RPH3AL: variants seen among roughly 807,000 people sequenced by gnomAD.
RPH3AL encodes the protein rab effector Noc2.
A neutral mutation model predicts 43.1 loss-of-function variants in RPH3AL; 38 were observed. That is an observed-to-expected ratio of 0.88 (90% CI 0.68 to 1.15). The LOEUF (loss-of-function observed/expected upper bound fraction) is 1.15, where lower values mean the gene tolerates loss of function less well. Ranked by LOEUF, RPH3AL falls within the 50% of genes most tolerant of loss-of-function variation. The pLI is 0.00. For missense variants in RPH3AL, 462 were observed against 423.2 expected (o/e 1.09, Z -0.81); for synonymous variants, 189 against 176.3 (o/e 1.07, Z -0.57).
chr17:230,575 A>G (rs2041208410), intron 7 of RPH3AL, among the ~76,000 whole-genome samples: 1 of 152,190 alleles, frequency 6.6e-6, no homozygotes. Flanking sequence ...GGCCAGGACC[A>G]TCCTGCTGGC....
chr17:230,462 T>G (rs1408649111), intron 7 of RPH3AL, among the ~76,000 whole-genome samples: 1 of 152,030 alleles, frequency 6.6e-6, no homozygotes, highest in Admixed American at 6.6e-5. Flanking sequence ...GAGCTGGAAT[T>G]TAAGGATGGG....
chr17:293,872 T>A (rs1398455360), intron 5 of RPH3AL, among the ~76,000 whole-genome samples: 1 of 151,624 alleles, frequency 6.6e-6, no homozygotes, highest in African/African-American at 2.4e-5. Flanking sequence ...CTACTAAAAA[T>A]ACAAAAATTA....
At chr17:291,576 G>A (rs553476149) in intron 5 of RPH3AL, among the ~76,000 whole-genome samples, 6 of 152,294 alleles carry the variant, frequency 3.9e-5, no homozygotes, top group Non-Finnish European at 8.8e-5. Context: ...AATGGCCTCG[G>A]TGCATGCACA....
intron 1 of RPH3AL, among the ~76,000 whole-genome samples, chr17:345,693 G>A (rs1219564852): frequency 1.8e-5 from 2 of 113,500 alleles, no homozygotes; most frequent in African/African-American, 5.8e-5. Context: ...CACCCTGCTG[G>A]GGCACGCGTG....
intron 5 of RPH3AL, among the ~76,000 whole-genome samples, chr17:298,398 C>G (rs1319697748): frequency 6.6e-6 from 1 of 152,186 alleles, no homozygotes; most frequent in African/African-American, 2.4e-5. Context: ...GGGATACAGT[C>G]AACAGTCTCC....
rs921064521 is a variant in RPH3AL at position 245,247 on chromosome 17, G to A, written c.613+1864C>T. ...GATGTGTGTGTGCGTGTGGATGAGA[G>A]CATGTGTGTGTGCACGTGGATGTCA... On this transcript the variant is annotated intron_variant, in intron 7 of 9. Transcript: ENST00000331302. This position sits in a 1 kb window ranked among gnomAD's most constrained non-coding sequence, Gnocchi z 5.9. 4.0e-5 allele frequency among the ~76,000 whole-genome samples: 6 copies of A among 150,996 alleles called. No individual in the cohort carries two copies. The highest frequency in any genetic ancestry group is 3.3e-4 in the Admixed American group (5 of 15,154).
chr17:299,140 C>T (rs992809822), intron 5 of RPH3AL, among the ~76,000 whole-genome samples: 9 of 152,126 alleles, frequency 5.9e-5, no homozygotes, highest in African/African-American at 9.7e-5. Context: ...CACTGGAAAG[C>T]GAATGAGACT....
At chr17:221,758 C>A (rs1202676660) in intron 7 of RPH3AL, among the ~76,000 whole-genome samples, 3 of 123,518 alleles carry the variant, frequency 2.4e-5, no homozygotes, top group East Asian at 2.3e-4. Flanking sequence ...GACCCAAGAA[C>A]AACAGCTCTG....
Position 246,826 on chromosome 17 carries a change from T to C in RPH3AL, c.613+285A>G, listed in dbSNP as rs902684928. 6.6e-6 allele frequency among the ~76,000 whole-genome samples: 1 copy of C among 152,222 alleles called. No homozygotes were observed. Among genetic ancestry groups the C allele is most frequent in the Non-Finnish European group, 1.5e-5 (1 of 68,028 alleles). On this transcript the variant is annotated intron_variant, in intron 7 of 9. Coordinates refer to ENST00000331302, the MANE Select transcript of RPH3AL (RefSeq NM_006987.4). This position sits in a 1 kb window ranked among gnomAD's most constrained non-coding sequence, Gnocchi z 4.8. ...GTCCCATTTCTGTGAAGATGCGTAG[T>C]GCTGCTCATGGCATCCTTGCCCCCA...
intron 7 of RPH3AL, among the ~76,000 whole-genome samples, chr17:240,233 ATCTC>A (rs2041496210): frequency 6.7e-6 from 1 of 148,510 alleles, no homozygotes; most frequent in Admixed American, 6.7e-5. Flanking sequence ...GTGAAACTCC[ATCTC>A]AAAAAAAAAA....
chr17:268,029 T>A (rs1003044175), intron 6 of RPH3AL, among the ~76,000 whole-genome samples: 18 of 152,100 alleles, frequency 1.2e-4, no homozygotes, highest in Admixed American at 1.0e-3. Context: ...GTAACCACCA[T>A]CTGGAATTTT....
chr17:222,947 T>A (rs563479954), intron 7 of RPH3AL, among the ~76,000 whole-genome samples: 1 of 152,310 alleles, frequency 6.6e-6, no homozygotes, highest in South Asian at 2.1e-4. Context: ...CCCAGCACTT[T>A]GGGAGGGCAA....
intron 6 of RPH3AL, among the ~76,000 whole-genome samples, chr17:272,765 C>CAT (rs1390013357): frequency 1.4e-5 from 2 of 146,558 alleles, no homozygotes; most frequent in African/African-American, 2.6e-5. Flanking sequence ...ATTTAAGTCA[C>CAT]ACACACACAC....
chr17:298,696 T>C (rs9893423), intron 5 of RPH3AL, among the ~76,000 whole-genome samples: 129,665 of 150,916 alleles, frequency 0.86, 55,594 homozygotes, highest in East Asian at 0.97. Flanking sequence ...CAAAGGGAGA[T>C]GTTATCTCAA....
chr17:294,758 G>A (rs371103643), intron 5 of RPH3AL, among the ~76,000 whole-genome samples: 900 of 18,340 alleles, frequency 0.049, 8 homozygotes, highest in Middle Eastern at 0.15. Flanking sequence ...CGGGCAGAGG[G>A]AATGCACATC....
chr17:232,694 T>G (rs2041255829), intron 7 of RPH3AL, among the ~76,000 whole-genome samples: 1 of 152,186 alleles, frequency 6.6e-6, no homozygotes, highest in Non-Finnish European at 1.5e-5. Flanking sequence ...TTTATTTTCT[T>G]GACCCAAACA....
chr17:264,698 G>T lies in RPH3AL; in HGVS notation c.438+17070C>A, dbSNP rs537963730. On this transcript the variant is annotated intron_variant, in intron 6 of 9. Transcript: ENST00000331302. The surrounding 1 kb of genome is among the most constrained non-coding windows in gnomAD (Gnocchi z 4.8). ...GAGGTCAGCATTTGCTCTTCTAAGC[G>T]TGGAGGATGACCCTTCCACCTGTGA... Among the ~76,000 whole-genome samples, 1 of 152,306 alleles carries T rather than the reference G, an allele frequency of 6.6e-6. No individual in the cohort carries two copies. The highest frequency in any genetic ancestry group is 2.1e-4 in the South Asian group (1 of 4,828).
At chr17:316,791 T>C (rs1288075435) in intron 5 of RPH3AL, among the ~76,000 whole-genome samples, 1,571 of 97,804 alleles carry the variant, frequency 0.016, no homozygotes, top group Middle Eastern at 0.024. Context: ...CCCACCTCCA[T>C]TGACCTGTAG....
chr17:319,878 G>A (rs1420086472), intron 4 of RPH3AL, among the ~76,000 whole-genome samples: 3 of 52,068 alleles, frequency 5.8e-5, no homozygotes, highest in Non-Finnish European at 1.1e-4. Context: ...GCAGCGCTAT[G>A]AAATGGAAAT....
Sources: allele counts gnomAD v4.1 joint callset (sites outside exome capture counted in the v4.1 genomes callset), GRCh38; gene constraint gnomAD v4.1.1; non-coding constraint Gnocchi (gnomAD v3.1); transcripts MANE v1.5; gene names NCBI Gene and HGNC (gene_info 2026-07-23, HGNC 2026-07-21).